Variants in CALN1 observed in about 807,000 individuals in gnomAD.
CALN1 encodes the protein calcium-binding protein 8.
A neutral mutation model predicts 30.6 loss-of-function variants in CALN1; 17 were observed. The ratio of observed to expected loss-of-function variants is 0.56; its 90% CI spans 0.38 to 0.83. The LOEUF is 0.83. Ranked by LOEUF, CALN1 falls within the 40% of genes least tolerant of loss-of-function variation. The probability of loss-of-function intolerance (pLI) is 0.00; values close to 1 mark genes in which losing one functional copy is unlikely to be tolerated. For synonymous variants in CALN1, 156 were observed against 131.4 expected (o/e 1.19, Z -1.28); for missense variants, 291 against 354.9 (o/e 0.82, Z 1.45).
At position 72,088,743 on chromosome 7, in the gene CALN1, AGG is replaced by A; in HGVS notation, c.388+17406_388+17407del. Among the ~76,000 whole-genome samples the A allele has an allele frequency of 8.7e-5, 13 of 149,272 alleles. No individual in the cohort carries two copies. The South Asian group carries it at 2.6e-3, about 30-fold the overall frequency. On this transcript the variant is annotated intron_variant, in intron 4 of 6. Coordinates refer to ENST00000395275, the MANE Select transcript of CALN1 (RefSeq NM_031468.4). ...AGAAAGAAGAAAGAAGAAGGAAGGA[AGG>A]GAAGGAAGGAAGAGAAGGAAGAGAA... is the stretch of plus-strand genomic sequence containing the variant.
At chr7:72,011,541 T>A (rs1414540863) in intron 5 of CALN1, among the ~76,000 whole-genome samples, 2 of 152,220 alleles carry the variant, frequency 1.3e-5, no homozygotes, top group Non-Finnish European at 2.9e-5. Context: ...TGAAGGGATT[T>A]ACCTGACTGA....
intron 2 of CALN1, among the ~76,000 whole-genome samples, chr7:72,338,525 G>GTGTGTGTGTGTGTGTCTGTC: frequency 0.026 from 3,219 of 121,890 alleles, 295 homozygotes; most frequent in Non-Finnish European, 0.033. Context: ...GTGTGTGTGT[G>GTGTGTGTGTGTGTGTCTGTC]TGTCTCACCT....
intron 1 of CALN1, among the ~76,000 whole-genome samples, chr7:72,417,702 G>A (rs1807466631): frequency 1.3e-5 from 2 of 152,206 alleles, no homozygotes; most frequent in African/African-American, 4.8e-5. Flanking sequence ...GGCAGAGTTG[G>A]CAGAGGTTTT....
At chr7:72,235,142 C>T (rs1794390440) in intron 3 of CALN1, among the ~76,000 whole-genome samples, 1 of 151,960 alleles carries the variant, frequency 6.6e-6, no homozygotes. Context: ...GTCATGGTAG[C>T]ATGCTCCTGT....
chr7:72,400,313 G>C (rs772437313), intron 2 of CALN1, among the ~76,000 whole-genome samples: 3 of 152,072 alleles, frequency 2.0e-5, no homozygotes, highest in Non-Finnish European at 2.9e-5. Flanking sequence ...AGGGGATTTG[G>C]AATTGAGACC....
Position 72,048,598 on chromosome 7 carries a change from T to C in CALN1, c.389-24829A>G, listed in dbSNP as rs531086721. ...TGTTACTTAAAATAGCATATTAGTA[T>C]ATTAATTTTATAGAGGTAAATATAA... On this transcript the variant is annotated intron_variant, in intron 4 of 6. Coordinates refer to ENST00000395275, the MANE Select transcript of CALN1 (RefSeq NM_031468.4). Among the ~76,000 whole-genome samples, 14 of 152,294 alleles carry C rather than the reference T, an allele frequency of 9.2e-5. No homozygotes were observed. In the East Asian group the frequency reaches 9.6e-4, roughly 10 times the overall value.
chr7:72,230,694 G>A (rs2129550571), intron 3 of CALN1, among the ~76,000 whole-genome samples: 2 of 152,260 alleles, frequency 1.3e-5, no homozygotes, highest in South Asian at 4.1e-4. Context: ...ATGTAGCCCT[G>A]ATAATATCCC....
At chr7:72,240,602 CAT>C (rs1794764874) in intron 3 of CALN1, among the ~76,000 whole-genome samples, 1 of 152,212 alleles carries the variant, frequency 6.6e-6, no homozygotes, top group Admixed American at 6.5e-5. Context: ...AACTGCTCCA[CAT>C]GATTTGACTC....
intron 2 of CALN1, among the ~76,000 whole-genome samples, chr7:72,396,776 G>C (rs1805989670): frequency 6.6e-6 from 1 of 152,180 alleles, no homozygotes; most frequent in African/African-American, 2.4e-5. Flanking sequence ...AGTCGGGGTT[G>C]AAATAGTCAT....
At chr7:72,263,155 CAAT>C (rs1417511975) in intron 3 of CALN1, among the ~76,000 whole-genome samples, 1 of 152,140 alleles carries the variant, frequency 6.6e-6, no homozygotes, top group Non-Finnish European at 1.5e-5. Context: ...ATAACAATAA[CAAT>C]AATTACTATT....
rs567700930 is a variant in CALN1 at position 71,781,107 on chromosome 7, G to C, written c.*6668C>G. The stretch of plus-strand genomic sequence containing the variant: ...CTCCCAGTTCCTAGTGCAATTCATG[G>C]GTGAAATCCAGACCCTCTCAGTAGG... On this transcript the variant is annotated 3_prime_UTR_variant, in exon 7 of 7. Transcript: ENST00000395275. The C allele has an allele frequency of 3.9e-5, 6 of 152,296 alleles. No homozygotes were observed. In the East Asian group the frequency reaches 9.6e-4, roughly 24 times the overall value. 9.4% of individuals were successfully genotyped at this position (152,296 alleles called of 1,614,324 possible). A position where few individuals can be genotyped will look rare whatever the true frequency, so the allele number is the denominator to read the frequency against.
intron 3 of CALN1, among the ~76,000 whole-genome samples, chr7:72,121,654 A>G (rs113040038): frequency 2.7e-5 from 4 of 148,676 alleles, no homozygotes; most frequent in African/African-American, 7.3e-5. Context: ...TTAGGATTAC[A>G]TTTCTGGGTA....
intron 3 of CALN1, among the ~76,000 whole-genome samples, chr7:72,225,484 G>A (rs752267541): frequency 3.9e-5 from 6 of 152,048 alleles, no homozygotes; most frequent in Non-Finnish European, 7.3e-5. Flanking sequence ...TTCAAAAGGA[G>A]TGGCCAATGG....
At chr7:71,994,800 G>C (rs1380469738) in intron 5 of CALN1, among the ~76,000 whole-genome samples, 1 of 151,866 alleles carries the variant, frequency 6.6e-6, no homozygotes, top group African/African-American at 2.4e-5. Flanking sequence ...AGATTGGTTG[G>C]ACCAGGTGTG....
At chr7:72,191,023 T>C (rs542951914) in intron 3 of CALN1, among the ~76,000 whole-genome samples, 34 of 152,346 alleles carry the variant, frequency 2.2e-4, no homozygotes, top group Non-Finnish European at 1.0e-4. Context: ...AAAGCGACTA[T>C]TGTACGGCAA....
At chr7:72,309,751 T>G (rs955902187) in intron 2 of CALN1, among the ~76,000 whole-genome samples, 2 of 152,210 alleles carry the variant, frequency 1.3e-5, no homozygotes, top group Admixed American at 6.5e-5. Flanking sequence ...TCCCACATTC[T>G]GCTCCAAGCC....
At chr7:71,849,075 G>A (rs562825936) in intron 5 of CALN1, among the ~76,000 whole-genome samples, 7 of 152,206 alleles carry the variant, frequency 4.6e-5, no homozygotes, top group African/African-American at 1.4e-4. Context: ...GGTGTCTTAA[G>A]GTGTTTAACT....
intron 3 of CALN1, among the ~76,000 whole-genome samples, chr7:72,144,993 G>A (rs1392499019): frequency 6.6e-6 from 1 of 152,078 alleles, no homozygotes; most frequent in East Asian, 1.9e-4. Flanking sequence ...GAAATTTATA[G>A]CACTAAATGC....
At chr7:72,042,535 T>G (rs1802192630) in intron 4 of CALN1, among the ~76,000 whole-genome samples, 1 of 152,136 alleles carries the variant, frequency 6.6e-6, no homozygotes, top group Non-Finnish European at 1.5e-5. Flanking sequence ...GAGCTGGTCA[T>G]GCAGGCACTC....
Sources: gnomAD v4.1 joint callset for allele counts (sites outside exome capture counted in the v4.1 genomes callset) on GRCh38, gnomAD v4.1.1 for gene constraint, MANE v1.5 for transcripts, NCBI Gene and HGNC (gene_info 2026-07-23, HGNC 2026-07-21) for gene names.